Variants in ANKS1B observed in about 807,000 individuals in gnomAD.
The protein encoded by ANKS1B is ankyrin repeat and sterile alpha motif domain-containing protein 1B.
ANKS1B carries 36 observed loss-of-function variants against 148.3 expected under a neutral mutation model. The observed-to-expected ratio is 0.24, with a 90% CI of 0.19 to 0.32. The LOEUF (loss-of-function observed/expected upper bound fraction) is 0.32. ANKS1B is among the 10% of genes least tolerant of loss of function. The probability of loss-of-function intolerance (pLI) is 1.00; values close to 1 mark genes in which losing one functional copy is unlikely to be tolerated. For synonymous variants in ANKS1B, 542 were observed against 560.8 expected, an observed-to-expected ratio of 0.97 and a Z score of 0.47; for missense variants, 1,157 against 1,542.6, an observed-to-expected ratio of 0.75 and a Z score of 4.19.
intron 9 of ANKS1B, among the ~76,000 whole-genome samples, chr12:99,606,356 T>G (rs2097851546): frequency 6.6e-6 from 1 of 151,914 alleles, no homozygotes; most frequent in African/African-American, 2.4e-5. Context: ...TCACAAAGAG[T>G]TGTTTCCTTT....
intron 12 of ANKS1B, among the ~76,000 whole-genome samples, chr12:99,391,782 A>T (rs1239584843): frequency 6.6e-6 from 1 of 152,190 alleles, no homozygotes; most frequent in Non-Finnish European, 1.5e-5. Context: ...CTTGCCTTCT[A>T]CCTGATGTGC....
intron 12 of ANKS1B, among the ~76,000 whole-genome samples, chr12:99,328,593 C>G (rs187131609): frequency 9.9e-5 from 15 of 151,790 alleles, no homozygotes; most frequent in Non-Finnish European, 1.6e-4. Context: ...AAAAAGACCC[C>G]AAAAGATCAA....
intron 14 of ANKS1B, among the ~76,000 whole-genome samples, chr12:99,228,170 A>C (rs2086242051): frequency 6.6e-6 from 1 of 152,134 alleles, no homozygotes; most frequent in African/African-American, 2.4e-5. Context: ...GGTTATTCTA[A>C]GGGGTTGTTT....
chr12:98,785,067 A>T (rs997247289), intron 22 of ANKS1B, among the ~76,000 whole-genome samples: 1 of 152,222 alleles, frequency 6.6e-6, no homozygotes, highest in Non-Finnish European at 1.5e-5. Context: ...CCTACAAAAG[A>T]TAAGGATCCA....
In ANKS1B at chr12:99,143,041, A is replaced by T. The variant is rs559378645; in HGVS notation, c.2526+11248T>A. ...CTTCTGTCAAATAAACTTGAGATAC[A>T]TTTGTTTCTAGTCCTCAGATTTCAA... is the stretch of plus-strand genomic sequence containing the variant. On this transcript the variant is annotated intron_variant, in intron 15 of 26. Transcript: ENST00000683438. Among the ~76,000 whole-genome samples, 3 of 152,100 alleles carry T rather than the reference A, an allele frequency of 2.0e-5. No homozygotes were observed. The East Asian group carries it at 5.8e-4, about 29-fold the overall frequency.
intron 4 of ANKS1B, among the ~76,000 whole-genome samples, chr12:99,788,656 G>A (rs1486029417): frequency 1.3e-5 from 2 of 152,112 alleles, no homozygotes; most frequent in Non-Finnish European, 2.9e-5. Context: ...AAACAAGCAG[G>A]CACACGGGGT....
At chr12:98,791,404 T>C (rs549362485) in intron 22 of ANKS1B, among the ~76,000 whole-genome samples, 1 of 152,180 alleles carries the variant, frequency 6.6e-6, no homozygotes, top group East Asian at 1.9e-4. Context: ...AGGAGTTACC[T>C]ATGTGGCTGT....
intron 10 of ANKS1B, among the ~76,000 whole-genome samples, chr12:99,448,689 ATTT>A (rs1338657959): frequency 6.6e-6 from 1 of 152,050 alleles, no homozygotes; most frequent in Non-Finnish European, 1.5e-5. Flanking sequence ...AGTATATATA[ATTT>A]TTGTCTATTT....
At chr12:99,816,714 T>A (rs540811472) in intron 2 of ANKS1B, among the ~76,000 whole-genome samples, 2 of 151,728 alleles carry the variant, frequency 1.3e-5, no homozygotes, top group Non-Finnish European at 3.0e-5. Flanking sequence ...AAGTTATAAG[T>A]AGAATAAAGT....
chr12:99,422,546 G>A lies in ANKS1B; in HGVS notation c.1575+21127C>T, dbSNP rs149694106. Among the ~76,000 whole-genome samples, 1,147 of 152,226 alleles carry A rather than the reference G, an allele frequency of 7.5e-3. 12 individuals are homozygous for A. Among genetic ancestry groups the A allele is most frequent in the African/African-American group, 0.026 (1,098 of 41,530 alleles). The stretch of plus-strand genomic sequence containing the variant: ...TTAGCTAAGTGAAAGCAGTGTGAGC[G>A]GGTTAAAATGAAGTGTCCAAGTCAG... On this transcript the variant is annotated intron_variant, in intron 11 of 26. Transcript: ENST00000683438.
chr12:99,219,721 T>G (rs1466475633), intron 14 of ANKS1B, among the ~76,000 whole-genome samples: 1 of 152,232 alleles, frequency 6.6e-6, no homozygotes, highest in Non-Finnish European at 1.5e-5. Context: ...TTTCAGTCTC[T>G]GAAGTCCCAG....
At chr12:99,632,751 A>ATTTTTTTATTC (rs2098178972) in intron 9 of ANKS1B, among the ~76,000 whole-genome samples, 5 of 107,426 alleles carry the variant, frequency 4.7e-5, no homozygotes, top group Non-Finnish European at 9.5e-5. Context: ...ATATATATAT[A>ATTTTTTTATTC]TATATATATA....
In ANKS1B at chr12:99,121,318, G is replaced by GGGGGGTGTGTGTGTGTGTGT. The variant is rs796549235; in HGVS notation, c.2526+32970_2526+32971insACACACACACACACACCCCC. 2.4e-4 allele frequency among the ~76,000 whole-genome samples: 25 copies of GGGGGGTGTGTGTGTGTGTGT among 105,976 alleles called. 1 individual carries two copies. The highest frequency in any genetic ancestry group is 1.0e-3 in the East Asian group (4 of 3,908). The allele number at this position is 105,976 out of a possible 152,430, so 69.5% of individuals were successfully genotyped here. On this transcript the variant is annotated intron_variant, in intron 15 of 26. Transcript: ENST00000683438. ...ACTGTTTTAACAGTGTGTGTATGTA[G>GGGGGGTGTGTGTGTGTGTGT]GTATGTGTGTGTGTGTGTGTGTGTG...
intron 17 of ANKS1B, among the ~76,000 whole-genome samples, chr12:98,838,376 A>G (rs138101782): frequency 3.1e-4 from 47 of 152,348 alleles, no homozygotes; most frequent in Admixed American, 2.1e-3. Context: ...TTCTGCATGA[A>G]ATCTCAATCC....
intron 12 of ANKS1B, among the ~76,000 whole-genome samples, chr12:99,395,093 C>T (rs2094201935): frequency 6.6e-6 from 1 of 152,128 alleles, no homozygotes; most frequent in African/African-American, 2.4e-5. Context: ...CAACATCTCT[C>T]CATTTCTCTC....
At chr12:99,040,684 G>A (rs2099958399) in intron 17 of ANKS1B, among the ~76,000 whole-genome samples, 1 of 152,218 alleles carries the variant, frequency 6.6e-6, no homozygotes. Flanking sequence ...CAGGTGAGGG[G>A]AAATATATCA....
At chr12:98,757,588 CT>C (rs2098281243) in intron 25 of ANKS1B, among the ~76,000 whole-genome samples, 1 of 152,170 alleles carries the variant, frequency 6.6e-6, no homozygotes, top group African/African-American at 2.4e-5. Context: ...GGGAAGCTCA[CT>C]GATCACAGTG....
intron 15 of ANKS1B, among the ~76,000 whole-genome samples, chr12:99,130,949 T>G (rs912543864): frequency 1.3e-5 from 2 of 152,200 alleles, no homozygotes; most frequent in Non-Finnish European, 2.9e-5. Context: ...AAAGACCACT[T>G]CTGTGACATC....
At chr12:99,974,694 C>G (rs186644819) in intron 1 of ANKS1B, among the ~76,000 whole-genome samples, 1 of 152,032 alleles carries the variant, frequency 6.6e-6, no homozygotes, top group East Asian at 2.0e-4. Context: ...AGTTCAAGAA[C>G]AGCAAGGCAG....
Sources: allele counts gnomAD v4.1 joint callset (sites outside exome capture counted in the v4.1 genomes callset), GRCh38; gene constraint gnomAD v4.1.1; transcripts MANE v1.5; gene names NCBI Gene and HGNC (gene_info 2026-07-23, HGNC 2026-07-21).